CCNY: variants seen among roughly 807,000 people sequenced by gnomAD.
The protein encoded by CCNY is cyclin-Y.
Under a neutral mutation model 42.8 loss-of-function variants are expected in CCNY, and 19 were observed. The observed-to-expected ratio is 0.44, with a 90% CI of 0.31 to 0.65. The LOEUF is 0.65. CCNY is among the 30% of genes least tolerant of loss of function. The probability of loss-of-function intolerance (pLI) is 0.07; values close to 1 mark genes in which losing one functional copy is unlikely to be tolerated. For missense variants in CCNY, 370 were observed against 437.3 expected (o/e 0.85, Z 1.37); for synonymous variants, 165 against 162.7 (o/e 1.01, Z -0.11).
intron 1 of CCNY, among the ~76,000 whole-genome samples, chr10:35,404,556 G>T (rs1837715937): frequency 6.6e-6 from 1 of 152,120 alleles, no homozygotes; most frequent in Admixed American, 6.5e-5. Context: ...TGAAAATAAG[G>T]TAATGTGGAG....
chr10:35,399,596 A>T (rs1837599672), intron 1 of CCNY, among the ~76,000 whole-genome samples: 1 of 152,154 alleles, frequency 6.6e-6, no homozygotes, highest in Admixed American at 6.5e-5. Context: ...TAATCCCAAC[A>T]CTTGGGAGGC....
At chr10:35,565,150 G>A (rs1324879313) in intron 8 of CCNY, among the ~76,000 whole-genome samples, 3 of 152,196 alleles carry the variant, frequency 2.0e-5, no homozygotes, top group African/African-American at 7.2e-5. Flanking sequence ...GCTGACATGA[G>A]AAGTTCTTAA....
chr10:35,359,584 G>C (rs889110663), intron 1 of CCNY, among the ~76,000 whole-genome samples: 4 of 151,772 alleles, frequency 2.6e-5, no homozygotes, highest in Non-Finnish European at 5.9e-5. Flanking sequence ...GAAGCGATCT[G>C]CGCGCCTTGG....
chr10:35,258,679 G>A (rs1046674199), intron 3 of CCNY, among the ~76,000 whole-genome samples: 6 of 152,116 alleles, frequency 3.9e-5, no homozygotes, highest in East Asian at 3.9e-4. Flanking sequence ...AGTGGCTCAC[G>A]CCTTTCCCAG....
intron 1 of CCNY, among the ~76,000 whole-genome samples, chr10:35,388,292 C>T (rs1837339723): frequency 6.6e-6 from 1 of 152,184 alleles, no homozygotes; most frequent in African/African-American, 2.4e-5. Flanking sequence ...AATAGATTGT[C>T]TGAGAGCAGA....
At chr10:35,355,678 C>CAAAAAAAAAAAA (rs60257114) in intron 1 of CCNY, among the ~76,000 whole-genome samples, 1 of 57,414 alleles carries the variant, frequency 1.7e-5, no homozygotes, top group African/African-American at 8.2e-5. Context: ...ATACTGTCTC[C>CAAAAAAAAAAAA]AAAAAAAAAA....
Position 35,337,127 on chromosome 10 carries a change from C to T in CCNY, c.74C>T (p.Ser25Phe). 6.3e-7 allele frequency: 1 copy of T among 1,590,898 alleles called. No individual in the cohort carries two copies. Among genetic ancestry groups the T allele is most frequent in the Non-Finnish European group, 8.5e-7 (1 of 1,170,766 alleles). ...LRRNAHSRLESYRPDTDLSRE... is the reference protein window; with the variant it reads ...LRRNAHSRLEFYRPDTDLSRE... ...AGGAATGCCCACTCCCGGCTGGAGT[C>T]CTACCGGCCAGACACGGACCTGAGC... The change falls in exon 1 of 10, where the codon TCC (serine) becomes TTC (phenylalanine). Residue 25 changes from serine to phenylalanine, a missense_variant. By Grantham distance (155) the Ser-to-Phe change is radical. Transcript: ENST00000374704.
At chr10:35,400,590 A>G (rs1198659888) in intron 1 of CCNY, among the ~76,000 whole-genome samples, 2 of 152,218 alleles carry the variant, frequency 1.3e-5, no homozygotes, top group Non-Finnish European at 2.9e-5. Flanking sequence ...CCTCCCAACT[A>G]AAAGAATTAT....
intron 1 of CCNY, among the ~76,000 whole-genome samples, chr10:35,457,113 T>A (rs1344012126): frequency 6.6e-6 from 1 of 152,248 alleles, no homozygotes. Flanking sequence ...GTATTTGTCC[T>A]GAATTACATG....
chr10:35,306,033 G>A (rs1835602408), intron 3 of CCNY, among the ~76,000 whole-genome samples: 1 of 152,032 alleles, frequency 6.6e-6, no homozygotes. Context: ...TGTTTCATAT[G>A]CCATTTTTTT....
chr10:35,525,928 T>C (rs1589181201), intron 4 of CCNY, 36 bp from the exon 5 acceptor site: 1 of 1,599,372 alleles, frequency 6.3e-7, no homozygotes, highest in Non-Finnish European at 8.5e-7. Flanking sequence ...TTGAATATGC[T>C]CATGGACACT....
intron 1 of CCNY, among the ~76,000 whole-genome samples, chr10:35,375,819 G>C (rs1837040089): frequency 6.6e-6 from 1 of 152,204 alleles, no homozygotes; most frequent in Non-Finnish European, 1.5e-5. Context: ...GGAGGCGAAG[G>C]CGTGATGACC....
At chr10:35,337,254 C>A in intron 1 of CCNY, 47 bp downstream of exon 1, 1 of 1,442,914 alleles carries the variant, frequency 6.9e-7, no homozygotes, top group South Asian at 1.3e-5. Context: ...CGGCAACAGT[C>A]GCACAGCCAA....
intron 3 of CCNY, among the ~76,000 whole-genome samples, chr10:35,263,995 G>A (rs887653082): frequency 6.6e-6 from 1 of 152,146 alleles, no homozygotes; most frequent in Admixed American, 6.6e-5. Flanking sequence ...CCATGTCCCC[G>A]CAAAGGACAT....
At chr10:35,316,062 A>AT (rs1424341834) in intron 3 of CCNY, among the ~76,000 whole-genome samples, 2 of 152,074 alleles carry the variant, frequency 1.3e-5, no homozygotes, top group Non-Finnish European at 2.9e-5. Context: ...TATACAGTGC[A>AT]TTTTTTTCTG....
chr10:35,418,826 A>G (rs1044842788), intron 1 of CCNY, among the ~76,000 whole-genome samples: 2 of 151,726 alleles, frequency 1.3e-5, no homozygotes, highest in African/African-American at 4.8e-5. Context: ...GAATGGGGAT[A>G]TAATAGTAGT....
At chr10:35,288,662 C>T (rs958600951) in intron 3 of CCNY, among the ~76,000 whole-genome samples, 9 of 152,112 alleles carry the variant, frequency 5.9e-5, no homozygotes, top group South Asian at 2.1e-4. Context: ...TGTTTAGTGA[C>T]GTTAAGCGTC....
chr10:35,324,321 G>A (rs1039545425), intron 3 of CCNY, among the ~76,000 whole-genome samples: 119 of 152,270 alleles, frequency 7.8e-4, no homozygotes, highest in Middle Eastern at 3.4e-3. Context: ...ATCCACTGGA[G>A]AAAATTACTG....
At chr10:35,482,993 G>T (rs1251787051) in intron 1 of CCNY, among the ~76,000 whole-genome samples, 3 of 152,118 alleles carry the variant, frequency 2.0e-5, no homozygotes, top group Non-Finnish European at 4.4e-5. Flanking sequence ...TCGCCCTAAC[G>T]AGTTGAGATA....
Sources: allele counts gnomAD v4.1 joint callset (sites outside exome capture counted in the v4.1 genomes callset), GRCh38; gene constraint gnomAD v4.1.1; transcripts MANE v1.5; gene names NCBI Gene and HGNC (gene_info 2026-07-23, HGNC 2026-07-21).